Variants in FSTL5 observed in about 807,000 individuals in gnomAD.
FSTL5 encodes the protein follistatin like 5.
In FSTL5, 62 loss-of-function variants were observed where a neutral mutation model predicts 89.1. That is an observed-to-expected ratio of 0.70 (90% CI 0.57 to 0.86). FSTL5 has a LOEUF of 0.86. Ranked by LOEUF, FSTL5 falls within the 40% of genes least tolerant of loss-of-function variation. The probability of loss-of-function intolerance (pLI) is 0.00; values close to 1 mark genes in which losing one functional copy is unlikely to be tolerated. For missense variants in FSTL5, 1,057 were observed against 1,001.6 expected (o/e 1.06, Z -0.75); for synonymous variants, 383 against 346.2 (o/e 1.11, Z -1.18).
At chr4:161,671,350 G>A (rs1737102575) in intron 6 of FSTL5, among the ~76,000 whole-genome samples, 1 of 152,076 alleles carries the variant, frequency 6.6e-6, no homozygotes, top group South Asian at 2.1e-4. Context: ...AAGTTGTGTT[G>A]GAACACAGCC....
intron 2 of FSTL5, among the ~76,000 whole-genome samples, chr4:162,051,296 T>G (rs1303040859): frequency 6.6e-6 from 1 of 151,494 alleles, no homozygotes; most frequent in Non-Finnish European, 1.5e-5. Context: ...TAACACTGAA[T>G]ATATAAGTTA....
intron 14 of FSTL5, among the ~76,000 whole-genome samples, chr4:161,456,444 C>T (rs541855184): frequency 8.6e-5 from 13 of 152,012 alleles, no homozygotes; most frequent in South Asian, 2.1e-4. Context: ...TTGACGAAGA[C>T]GTATGGATAA....
At chr4:161,848,611 A>AT (rs563427304) in intron 4 of FSTL5, among the ~76,000 whole-genome samples, 9 of 151,258 alleles carry the variant, frequency 6.0e-5, no homozygotes, top group Admixed American at 3.3e-4. Flanking sequence ...GGAAAGCATA[A>AT]TTTTTTTTTG....
At chr4:162,110,913 C>T (rs1486788676) in intron 2 of FSTL5, among the ~76,000 whole-genome samples, 1 of 151,808 alleles carries the variant, frequency 6.6e-6, no homozygotes, top group Non-Finnish European at 1.5e-5. Flanking sequence ...GGACATAACA[C>T]TTATTTAGTT....
chr4:161,922,917 G>T (rs1364502320), intron 3 of FSTL5, among the ~76,000 whole-genome samples: 1 of 151,838 alleles, frequency 6.6e-6, no homozygotes, highest in Non-Finnish European at 1.5e-5. Context: ...AATTAAATAA[G>T]CAGGAGTCCA....
At chr4:161,473,328 A>G (rs1560911976) in intron 13 of FSTL5, among the ~76,000 whole-genome samples, 2 of 151,808 alleles carry the variant, frequency 1.3e-5, no homozygotes, top group African/African-American at 4.8e-5. Flanking sequence ...ATGATTTAGT[A>G]TTAACTATAT....
chr4:161,605,879 C>T (rs1297248196), intron 7 of FSTL5, among the ~76,000 whole-genome samples: 2 of 150,222 alleles, frequency 1.3e-5, no homozygotes, highest in African/African-American at 5.0e-5. Flanking sequence ...CTATGTGCTG[C>T]GCTGTGTTAA....
At chr4:162,130,919 C>T (rs1732278968) in intron 1 of FSTL5, among the ~76,000 whole-genome samples, 1 of 151,368 alleles carries the variant, frequency 6.6e-6, no homozygotes, top group African/African-American at 2.4e-5. Flanking sequence ...TAAATATGGC[C>T]AATAACACAT....
chr4:161,926,767 C>T (rs10517756), intron 3 of FSTL5, among the ~76,000 whole-genome samples: 7,983 of 151,738 alleles, frequency 0.053, 264 homozygotes, highest in Non-Finnish European at 0.078. Flanking sequence ...CTATCTAAAG[C>T]GGTGATTTCT....
chr4:161,500,032 T>C lies in FSTL5; in HGVS notation c.1442A>G (p.Lys481Arg). The change falls in exon 12 of 16, where the codon AAG becomes AGG. Residue 481 changes from lysine to arginine, a missense_variant. Lys to Arg is a conservative substitution (Grantham distance 26). Coordinates refer to ENST00000306100, the MANE Select transcript of FSTL5 (RefSeq NM_020116.5). ...GATACTTGCCTGAAATCCAAGGAGC[T>C]TTTCACTAGGCTTAATGTGCCTCTG... Reference protein sequence around the residue: ...EFQRHIKPSEKLLGFQDEVCP... With the variant: ...EFQRHIKPSERLLGFQDEVCP... 6.3e-7 allele frequency: 1 copy of C among 1,599,404 alleles called. No homozygotes were observed. The highest frequency in any genetic ancestry group is 8.6e-7 in the Non-Finnish European group (1 of 1,169,146).
chr4:162,001,012 C>T (rs1736447712), intron 3 of FSTL5, among the ~76,000 whole-genome samples: 1 of 152,320 alleles, frequency 6.6e-6, no homozygotes, highest in Non-Finnish European at 1.5e-5. Context: ...TGATATCTCA[C>T]TGATCCAGAT....
chr4:161,513,047 G>C (rs1730700076), intron 10 of FSTL5, among the ~76,000 whole-genome samples: 1 of 151,896 alleles, frequency 6.6e-6, no homozygotes. Flanking sequence ...CCAATAAGCA[G>C]AGATTGTTTC....
intron 9 of FSTL5, among the ~76,000 whole-genome samples, chr4:161,540,433 T>A (rs771108504): frequency 6.6e-6 from 1 of 152,300 alleles, no homozygotes; most frequent in Admixed American, 6.5e-5. Flanking sequence ...GTGATCTTGC[T>A]CTTTCAATCG....
chr4:162,122,546 A>T (rs1330765832), intron 1 of FSTL5, among the ~76,000 whole-genome samples: 1 of 152,154 alleles, frequency 6.6e-6, no homozygotes, highest in African/African-American at 2.4e-5. Context: ...CTGAAAACAG[A>T]AATAATCAGA....
intron 6 of FSTL5, among the ~76,000 whole-genome samples, chr4:161,702,038 A>G (rs1230326572): frequency 6.6e-6 from 1 of 152,140 alleles, no homozygotes; most frequent in Non-Finnish European, 1.5e-5. Flanking sequence ...AACCCATTTC[A>G]AAGGGATATA....
intron 3 of FSTL5, among the ~76,000 whole-genome samples, chr4:161,974,020 A>T (rs1410126603): frequency 1.3e-5 from 2 of 152,176 alleles, no homozygotes; most frequent in Non-Finnish European, 2.9e-5. Context: ...TGCTTCAAAG[A>T]GAATACAATA....
chr4:161,783,632 CTTT>C (rs1741751202), intron 4 of FSTL5, among the ~76,000 whole-genome samples: 1 of 43,164 alleles, frequency 2.3e-5, no homozygotes, highest in Non-Finnish European at 5.3e-5. Flanking sequence ...CTTTCTCTTT[CTTT>C]TCTTTCTTTC....
chr4:161,422,364 T>G (rs1364745835), intron 15 of FSTL5, among the ~76,000 whole-genome samples: 1 of 152,234 alleles, frequency 6.6e-6, no homozygotes, highest in Non-Finnish European at 1.5e-5. Context: ...GAGCGTCTAC[T>G]ATTACTACTA....
intron 6 of FSTL5, among the ~76,000 whole-genome samples, chr4:161,725,119 C>T (rs914102997): frequency 2.0e-5 from 3 of 152,066 alleles, no homozygotes; most frequent in African/African-American, 4.8e-5. Context: ...TCACTTGAAC[C>T]GGGGAGGCAG....
Sources: gnomAD v4.1 joint callset for allele counts (sites outside exome capture counted in the v4.1 genomes callset) on GRCh38, gnomAD v4.1.1 for gene constraint, MANE v1.5 for transcripts, NCBI Gene and HGNC (gene_info 2026-07-23, HGNC 2026-07-21) for gene names.